The following SKIC3 variants were observed in gnomAD, a reference collection of about 807,000 sequenced individuals.
SKIC3 encodes SKI3 subunit of superkiller complex.
chr5:95,493,850 C>T, the SKIC3 span, among the ~76,000 whole-genome samples: 4 of 151,590 alleles, frequency 2.6e-5, no homozygotes, highest in African/African-American at 9.7e-5. Context: ...TACCTTATAA[C>T]CCTATACTGC....
At chr5:95,487,860 A>T in the SKIC3 span, among the ~76,000 whole-genome samples, 1 of 152,188 alleles carries the variant, frequency 6.6e-6, no homozygotes, top group Non-Finnish European at 1.5e-5. Context: ...ATGAAATCCT[A>T]GGGGAAAAAT....
the SKIC3 span, among the ~76,000 whole-genome samples, chr5:95,503,388 A>G: frequency 2.0e-5 from 3 of 152,244 alleles, no homozygotes; most frequent in African/African-American, 7.2e-5. Flanking sequence ...CTCTATACAC[A>G]TGTGGGCTAA....
the SKIC3 span, chr5:95,541,512 T>A: frequency 2.3e-6 from 2 of 883,818 alleles, no homozygotes; most frequent in East Asian, 5.3e-5. Context: ...TTAGAACATA[T>A]CTTCTTTCAT....
At chr5:95,514,508 T>C in the SKIC3 span, among the ~76,000 whole-genome samples, 1 of 152,146 alleles carries the variant, frequency 6.6e-6, no homozygotes, top group Non-Finnish European at 1.5e-5. Context: ...AGTTAAACAA[T>C]AGAGTTCTGG....
the SKIC3 span, chr5:95,513,384 T>C: frequency 1.5e-5 from 9 of 590,750 alleles, no homozygotes; most frequent in Non-Finnish European, 2.7e-5. Flanking sequence ...TTAATTTTTT[T>C]TTTTAAGAGA....
the SKIC3 span, chr5:95,469,727 A>G: frequency 6.2e-7 from 1 of 1,609,410 alleles, no homozygotes; most frequent in Non-Finnish European, 8.5e-7. Context: ...TATTTCCTAG[A>G]AAGATTTAAA....
the SKIC3 span, chr5:95,495,165 T>C: frequency 4.3e-6 from 3 of 694,948 alleles, no homozygotes; most frequent in African/African-American, 5.4e-5. Flanking sequence ...AAAGTATCAA[T>C]TTATTATTGT....
chr5:95,528,211 T>G, the SKIC3 span: 1 of 1,605,524 alleles, frequency 6.2e-7, no homozygotes, highest in East Asian at 2.2e-5. Context: ...TTATTTTTTC[T>G]TTTTTAAGGA....
the SKIC3 span, among the ~76,000 whole-genome samples, chr5:95,531,280 G>C: frequency 1.3e-5 from 2 of 152,094 alleles, no homozygotes; most frequent in Non-Finnish European, 1.5e-5. Context: ...AGAAATCCAA[G>C]TTGGCACCAA....
chr5:95,478,411 A>G, the SKIC3 span: 1 of 1,613,948 alleles, frequency 6.2e-7, no homozygotes, highest in Non-Finnish European at 8.5e-7. Flanking sequence ...AGCTCTCATC[A>G]TTCCTTGGGA....
chr5:95,538,718 A>G, the SKIC3 span, among the ~76,000 whole-genome samples: 1 of 152,138 alleles, frequency 6.6e-6, no homozygotes. Flanking sequence ...ATTCTCTTCA[A>G]TTACTTTAAA....
the SKIC3 span, among the ~76,000 whole-genome samples, chr5:95,488,598 T>G: frequency 6.6e-6 from 1 of 152,130 alleles, no homozygotes; most frequent in Non-Finnish European, 1.5e-5. Context: ...TCTTCATAAA[T>G]GAAGGGAAAA....
At chr5:95,483,170 T>G in the SKIC3 span, among the ~76,000 whole-genome samples, 1 of 152,162 alleles carries the variant, frequency 6.6e-6, no homozygotes, top group Non-Finnish European at 1.5e-5. Flanking sequence ...TATCTTAAAA[T>G]ACTTACCTAC....
the SKIC3 span, among the ~76,000 whole-genome samples, chr5:95,545,355 C>T: frequency 5.3e-5 from 8 of 152,124 alleles, no homozygotes; most frequent in Non-Finnish European, 1.0e-4. Flanking sequence ...CTAAACCTCA[C>T]AAGGGTATCC....
the SKIC3 span, among the ~76,000 whole-genome samples, chr5:95,531,722 C>T: frequency 4.6e-5 from 7 of 152,124 alleles, no homozygotes; most frequent in Non-Finnish European, 1.0e-4. Context: ...GCTGATGCTA[C>T]TGGTCCAGAT....
At chr5:95,492,652 GA>G in the SKIC3 span, among the ~76,000 whole-genome samples, 3 of 48,840 alleles carry the variant, frequency 6.1e-5, no homozygotes, top group Non-Finnish European at 9.4e-5. Flanking sequence ...AAAAAAAAAA[GA>G]AAAAAAAAAA....
chr5:95,550,414 A>T, the SKIC3 span, among the ~76,000 whole-genome samples: 1 of 151,650 alleles, frequency 6.6e-6, no homozygotes, highest in African/African-American at 2.4e-5. Flanking sequence ...AAAAAAAACG[A>T]TATCTTTAAA....
the SKIC3 span, chr5:95,517,210 G>A: frequency 6.2e-7 from 1 of 1,613,290 alleles, no homozygotes; most frequent in Non-Finnish European, 8.5e-7. Context: ...TGACCTAGAA[G>A]GACTCCTAAA....
the SKIC3 span, among the ~76,000 whole-genome samples, chr5:95,554,699 A>T: frequency 4.0e-5 from 6 of 151,790 alleles, no homozygotes; most frequent in Non-Finnish European, 5.9e-5. Context: ...GGTCTAAGGC[A>T]TTCACGGCGC....
Sources: allele counts gnomAD v4.1 joint callset (sites outside exome capture counted in the v4.1 genomes callset), GRCh38; gene constraint gnomAD v4.1.1; transcripts MANE v1.5; gene names NCBI Gene and HGNC (gene_info 2026-07-23, HGNC 2026-07-21).